The following CADM2 variants were observed in gnomAD, a reference collection of about 807,000 sequenced individuals.
CADM2 encodes cell adhesion molecule 2.
In CADM2, 12 loss-of-function variants were observed where a neutral mutation model predicts 49.8. The observed-to-expected ratio is 0.24, with a 90% confidence interval of 0.15 to 0.39. The LOEUF (loss-of-function observed/expected upper bound fraction) is 0.39, where lower values mean the gene tolerates loss of function less well. CADM2 is among the 10% of genes least tolerant of loss of function. The pLI, the probability that CADM2 is intolerant of heterozygous loss-of-function variation, is 1.00. For missense variants in CADM2, 378 were observed against 492.3 expected (o/e 0.77, Z 2.20); for synonymous variants, 214 against 175.4 (o/e 1.22, Z -1.74).
At chr3:85,078,532 C>A (rs11127877) in intron 1 of CADM2, among the ~76,000 whole-genome samples, 89,954 of 151,580 alleles carry the variant, frequency 0.59, 27,500 homozygotes, top group Middle Eastern at 0.65. Flanking sequence ...TCAATGTAAA[C>A]TTTTACAAAA....
chr3:85,297,466 T>A (rs1204498483), intron 1 of CADM2, among the ~76,000 whole-genome samples: 1 of 152,148 alleles, frequency 6.6e-6, no homozygotes, highest in Non-Finnish European at 1.5e-5. Flanking sequence ...TTTTTGTTAT[T>A]GGCAGCTCTT....
At chr3:85,942,885 T>C (rs1262432302) in intron 7 of CADM2, among the ~76,000 whole-genome samples, 2 of 152,084 alleles carry the variant, frequency 1.3e-5, no homozygotes, top group Admixed American at 1.3e-4. Flanking sequence ...GTATTTCCAG[T>C]TCTAGATCCC....
At chr3:85,540,810 T>C (rs886506566) in intron 1 of CADM2, among the ~76,000 whole-genome samples, 3 of 152,160 alleles carry the variant, frequency 2.0e-5, no homozygotes, top group African/African-American at 2.4e-5. Context: ...AAGTACAAGA[T>C]CAATGTGTCA....
Position 85,208,120 on chromosome 3 carries a change from G to T in CADM2, c.61+248452G>T, listed in dbSNP as rs115514605. ...GCACTAAATGTTAGCATCTCAGAAAGGAGTGATTTGCCTTGCACTTTTTAC... is the reference window on the plus strand; with the variant it reads ...GCACTAAATGTTAGCATCTCAGAAATGAGTGATTTGCCTTGCACTTTTTAC... On this transcript the variant is annotated intron_variant, in intron 1 of 9. Coordinates refer to ENST00000383699, the MANE Select transcript of CADM2 (RefSeq NM_001167675.2). 1.9e-3 allele frequency among the ~76,000 whole-genome samples: 292 copies of T among 152,198 alleles called. 2 individuals carry two copies. Among genetic ancestry groups the T allele is most frequent in the African/African-American group, 6.7e-3 (280 of 41,536 alleles).
At chr3:85,865,896 T>G (rs1292981842) in intron 3 of CADM2, among the ~76,000 whole-genome samples, 1 of 152,170 alleles carries the variant, frequency 6.6e-6, no homozygotes. Flanking sequence ...GACATTTCAG[T>G]GAGAGTGGAA....
chr3:85,435,098 C>T (rs1266312001), intron 1 of CADM2, among the ~76,000 whole-genome samples: 1 of 151,934 alleles, frequency 6.6e-6, no homozygotes, highest in Non-Finnish European at 1.5e-5. Context: ...TATACATGTG[C>T]CATGGTGATC....
intron 1 of CADM2, among the ~76,000 whole-genome samples, chr3:85,189,323 T>C (rs2041146244): frequency 6.7e-6 from 1 of 148,442 alleles, no homozygotes; most frequent in East Asian, 2.0e-4. Flanking sequence ...AAGTTGCAAG[T>C]TTTTTTTTTA....
intron 3 of CADM2, among the ~76,000 whole-genome samples, chr3:85,850,646 C>T (rs962418450): frequency 2.0e-5 from 3 of 152,030 alleles, no homozygotes; most frequent in African/African-American, 7.2e-5. Context: ...TGTCATAAGA[C>T]GTTCCTTTCT....
chr3:85,368,239 T>C (rs1167979000), intron 1 of CADM2, among the ~76,000 whole-genome samples: 2 of 152,006 alleles, frequency 1.3e-5, no homozygotes, highest in Non-Finnish European at 2.9e-5. Context: ...TAGAGAGACA[T>C]TGTATCCTTC....
intron 1 of CADM2, among the ~76,000 whole-genome samples, chr3:85,681,582 A>T (rs2066040493): frequency 6.6e-6 from 1 of 152,104 alleles, no homozygotes; most frequent in South Asian, 2.1e-4. Flanking sequence ...ACGGCATAAC[A>T]TGTTAAAGCT....
chr3:85,945,604 G>T (rs898645251), intron 7 of CADM2, among the ~76,000 whole-genome samples: 1 of 152,020 alleles, frequency 6.6e-6, no homozygotes, highest in Non-Finnish European at 1.5e-5. Context: ...TTCATCCCTG[G>T]GATGCAAGAC....
chr3:85,025,851 T>C (rs2034700590), intron 1 of CADM2, among the ~76,000 whole-genome samples: 1 of 151,944 alleles, frequency 6.6e-6, no homozygotes, highest in Non-Finnish European at 1.5e-5. Context: ...ATTCAGGAGA[T>C]GGCTGAGAAC....
At chr3:85,057,695 G>A (rs550005327) in intron 1 of CADM2, among the ~76,000 whole-genome samples, 25 of 152,100 alleles carry the variant, frequency 1.6e-4, no homozygotes, top group South Asian at 1.2e-3. Context: ...AGAAAATGTA[G>A]CACAATCTAA....
chr3:85,386,383 T>C (rs1187249497), intron 1 of CADM2, among the ~76,000 whole-genome samples: 2 of 151,962 alleles, frequency 1.3e-5, no homozygotes, highest in African/African-American at 2.4e-5. Context: ...AGAATGGGAA[T>C]TGGGTGGGGA....
intron 1 of CADM2, among the ~76,000 whole-genome samples, chr3:85,638,631 G>T (rs538618857): frequency 6.6e-6 from 1 of 151,972 alleles, no homozygotes; most frequent in Non-Finnish European, 1.5e-5. Flanking sequence ...TTTTACTAAG[G>T]TTATTTTTTT....
intron 8 of CADM2, among the ~76,000 whole-genome samples, chr3:86,004,864 C>T (rs920606100): frequency 6.6e-6 from 1 of 152,194 alleles, no homozygotes; most frequent in Non-Finnish European, 1.5e-5. Flanking sequence ...TTCTGTGCCA[C>T]ACAGGAATTG....
At chr3:85,476,054 G>A (rs139783254) in intron 1 of CADM2, among the ~76,000 whole-genome samples, 1 of 151,842 alleles carries the variant, frequency 6.6e-6, no homozygotes, top group African/African-American at 2.4e-5. Context: ...TTGTCTGCAG[G>A]TTGTCTATAT....
intron 1 of CADM2, among the ~76,000 whole-genome samples, chr3:85,262,754 C>A (rs1221050046): frequency 6.6e-6 from 1 of 151,924 alleles, no homozygotes; most frequent in Non-Finnish European, 1.5e-5. Context: ...AGTTTTGCCT[C>A]CTAAATGACT....
intron 1 of CADM2, among the ~76,000 whole-genome samples, chr3:85,055,404 T>A (rs1228619352): frequency 6.6e-6 from 1 of 152,016 alleles, no homozygotes; most frequent in Non-Finnish European, 1.5e-5. Context: ...GTTAATAAAA[T>A]GAAATTGCAT....
Sources: gnomAD v4.1 joint callset for allele counts (sites outside exome capture counted in the v4.1 genomes callset) on GRCh38, gnomAD v4.1.1 for gene constraint, MANE v1.5 for transcripts, NCBI Gene and HGNC (gene_info 2026-07-23, HGNC 2026-07-21) for gene names.